TANC1: variants seen among roughly 807,000 people sequenced by gnomAD.
TANC1 encodes protein TANC1.
Under a neutral mutation model 149.7 loss-of-function variants are expected in TANC1, and 77 were observed. The ratio of observed to expected loss-of-function variants is 0.51; its 90% CI spans 0.43 to 0.62. The LOEUF (loss-of-function observed/expected upper bound fraction) is 0.62, where lower values mean the gene tolerates loss of function less well. Ranked by LOEUF, TANC1 falls within the 20% of genes least tolerant of loss-of-function variation. The pLI is 0.00. For missense variants in TANC1, 1,985 were observed against 2,321.8 expected, an observed-to-expected ratio of 0.85 and a Z score of 2.98; for synonymous variants, 854 against 925.0, an observed-to-expected ratio of 0.92 and a Z score of 1.39.
At chr2:159,006,981 G>T (rs989295146) in intron 2 of TANC1, among the ~76,000 whole-genome samples, 8 of 152,102 alleles carry the variant, frequency 5.3e-5, no homozygotes, top group South Asian at 4.1e-4. Context: ...TTCTTACACA[G>T]GTATGCAAAA....
At chr2:159,190,552 TTTATTA>T (rs2057365082) in intron 16 of TANC1, among the ~76,000 whole-genome samples, 1 of 152,126 alleles carries the variant, frequency 6.6e-6, no homozygotes, top group African/African-American at 2.4e-5. Context: ...TTTATTTTTA[TTTATTA>T]TTATTATTTT....
At chr2:158,969,559 C>T (rs964940222) in intron 1 of TANC1, among the ~76,000 whole-genome samples, 11 of 152,202 alleles carry the variant, frequency 7.2e-5, no homozygotes, top group Admixed American at 7.2e-4. Context: ...CACTGGCTTC[C>T]TGGAGGACTT....
chr2:159,070,675 G>A (rs1046597791), intron 3 of TANC1, among the ~76,000 whole-genome samples: 11 of 152,180 alleles, frequency 7.2e-5, no homozygotes, highest in Non-Finnish European at 1.5e-4. Flanking sequence ...CCTGGTTCAC[G>A]TGCCTCGGAT....
In TANC1 at chr2:159,150,345, ACTC is replaced by A; in HGVS notation, c.496-19_496-17del. 3.1e-6 allele frequency: 5 copies of A among 1,602,432 alleles called. No homozygotes were observed. In the South Asian group the frequency reaches 3.3e-5, roughly 11 times the overall value. ...GAAGCATCCTGTGTAAGCCGTGCTA[ACTC>A]CTCCTTCCATTCATCTTGCAGTGCA... On this transcript the variant is annotated intron_variant, in intron 6 of 26. Coordinates refer to ENST00000263635, the MANE Select transcript of TANC1 (RefSeq NM_033394.3).
intron 19 of TANC1, among the ~76,000 whole-genome samples, chr2:159,210,117 T>C (rs1447485592): frequency 2.6e-5 from 4 of 152,166 alleles, no homozygotes; most frequent in Non-Finnish European, 5.9e-5. Flanking sequence ...TACAAGCTGT[T>C]CTCTGGAGGT....
chr2:159,105,157 G>A (rs1339608367), intron 4 of TANC1, among the ~76,000 whole-genome samples: 3 of 149,880 alleles, frequency 2.0e-5, no homozygotes, highest in African/African-American at 4.9e-5. Context: ...ACCACGCCTG[G>A]CTAATTTTTT....
At chr2:159,110,294 G>C (rs553459672) in intron 4 of TANC1, among the ~76,000 whole-genome samples, 1 of 152,328 alleles carries the variant, frequency 6.6e-6, no homozygotes, top group South Asian at 2.1e-4. Context: ...ACAGGGTTCA[G>C]TACTATCCTC....
At chr2:159,169,926 G>A (rs1197766077) in intron 9 of TANC1, among the ~76,000 whole-genome samples, 3 of 151,772 alleles carry the variant, frequency 2.0e-5, no homozygotes, top group Non-Finnish European at 2.9e-5. Flanking sequence ...CCAAGAGGCG[G>A]AGGTTGCAGT....
intron 11 of TANC1, 32 bp from the exon 12 acceptor site, chr2:159,174,921 G>GA: frequency 6.5e-7 from 1 of 1,539,694 alleles, no homozygotes. Context: ...TGAAGAGGGT[G>GA]AGGTGATGCT....
chr2:158,998,330 A>G (rs1049248459), intron 1 of TANC1, among the ~76,000 whole-genome samples: 1 of 152,166 alleles, frequency 6.6e-6, no homozygotes, highest in African/African-American at 2.4e-5. Flanking sequence ...AGATCATGCA[A>G]TCTGGGCTTT....
chr2:159,181,245 A>G (rs1286821548), intron 14 of TANC1, among the ~76,000 whole-genome samples: 1 of 151,936 alleles, frequency 6.6e-6, no homozygotes, highest in Non-Finnish European at 1.5e-5. Flanking sequence ...TGGTTGTGCA[A>G]AACTCCTAGG....
chr2:159,146,290 AGGG>A (rs781374916), intron 5 of TANC1, among the ~76,000 whole-genome samples: 9 of 152,212 alleles, frequency 5.9e-5, no homozygotes, highest in Non-Finnish European at 1.3e-4. Context: ...TTCAGACTGA[AGGG>A]GACCTTTTAA....
At chr2:159,029,988 C>T (rs897147824) in intron 2 of TANC1, among the ~76,000 whole-genome samples, 4 of 152,172 alleles carry the variant, frequency 2.6e-5, no homozygotes, top group African/African-American at 4.8e-5. Context: ...TGTACCCAGC[C>T]TCTACTATTT....
chr2:159,055,836 G>A (rs1456887564), intron 2 of TANC1, among the ~76,000 whole-genome samples: 1 of 152,128 alleles, frequency 6.6e-6, no homozygotes, highest in Non-Finnish European at 1.5e-5. Flanking sequence ...TGGTTCTTGG[G>A]GCTGAGAGTC....
At chr2:159,064,772 G>A (rs976800466) in intron 2 of TANC1, among the ~76,000 whole-genome samples, 5 of 152,190 alleles carry the variant, frequency 3.3e-5, no homozygotes, top group Admixed American at 3.3e-4. Context: ...CAAAACTTCT[G>A]CTTACTCTGG....
At chr2:159,128,939 C>T (rs188033218) in intron 4 of TANC1, among the ~76,000 whole-genome samples, 1 of 152,116 alleles carries the variant, frequency 6.6e-6, no homozygotes, top group Non-Finnish European at 1.5e-5. Context: ...CCCCCTGCCC[C>T]CAAAATATTA....
intron 16 of TANC1, 115 bp from the exon 17 acceptor site, chr2:159,194,142 C>G (rs1386643916): frequency 6.3e-6 from 5 of 791,584 alleles, no homozygotes; most frequent in African/African-American, 3.4e-5. Context: ...GGTGCACATT[C>G]AAGTTTGAGA....
chr2:159,211,353 C>T (rs956452241), intron 19 of TANC1, among the ~76,000 whole-genome samples: 15 of 152,184 alleles, frequency 9.9e-5, no homozygotes, highest in Non-Finnish European at 1.9e-4. Context: ...CATCTGTTCA[C>T]GTTGATTTTT....
At chr2:159,219,106 T>G (rs1431742033) in intron 20 of TANC1, 132 bp from the exon 21 acceptor site, 2 of 1,193,124 alleles carry the variant, frequency 1.7e-6, no homozygotes, top group Non-Finnish European at 2.4e-6. Context: ...CCAGGCCCCA[T>G]GGTTCACACA....
Sources: gnomAD v4.1 joint callset for allele counts (sites outside exome capture counted in the v4.1 genomes callset) on GRCh38, gnomAD v4.1.1 for gene constraint, MANE v1.5 for transcripts, NCBI Gene and HGNC (gene_info 2026-07-23, HGNC 2026-07-21) for gene names.